PUF60: variants seen among roughly 807,000 people sequenced by gnomAD.
PUF60 encodes poly(U)-binding-splicing factor PUF60.
A neutral mutation model predicts 61.8 loss-of-function variants in PUF60; 10 were observed. That is an observed-to-expected ratio of 0.16 (90% confidence interval 0.10 to 0.27). PUF60 has a LOEUF of 0.27. Among genes scored for constraint, PUF60 ranks in the 10% least tolerant of loss-of-function variants. PUF60 has a pLI of 1.00. For missense variants in PUF60, 371 were observed against 754.0 expected, an observed-to-expected ratio of 0.49 and a Z score of 5.95; for synonymous variants, 353 against 300.9, an observed-to-expected ratio of 1.17 and a Z score of -1.79.
rs1284819938 is a variant in PUF60, at chr8:143,818,158, G to A, written c.603+35C>T. The stretch of plus-strand genomic sequence containing the variant: ...CTTCCGTGGAGGGGCAGCCCTGCAC[G>A]CCTGCGGGATCGAGGCCTTGGCTCC... On this transcript the variant is annotated intron_variant, in intron 7 of 11. Transcript: ENST00000526683. This position sits in a 1 kb window ranked among gnomAD's most constrained non-coding sequence, Gnocchi z 7.9. 34 of 1,601,794 alleles carry A rather than the reference G, an allele frequency of 2.1e-5. No homozygotes were observed. Among genetic ancestry groups the A allele is most frequent in the East Asian group, 4.5e-5 (2 of 44,330 alleles).
At chr8:143,828,822 C>A (rs182628164) in intron 1 of PUF60, among the ~76,000 whole-genome samples, 51 of 152,308 alleles carry the variant, frequency 3.3e-4, no homozygotes, top group Admixed American at 2.6e-3. Context: ...GAGCCAAGGC[C>A]GCCCCATGCT....
At chr8:143,822,059 C>T in intron 2 of PUF60, 146 bp from the exon 3 acceptor site, 1 of 646,342 alleles carries the variant, frequency 1.5e-6, no homozygotes, top group Non-Finnish European at 2.6e-6. Context: ...CAGCCCAGGC[C>T]ACTGTCTCCC....
chr8:143,825,525 C>T (rs1817543059), intron 1 of PUF60, among the ~76,000 whole-genome samples: 1 of 152,126 alleles, frequency 6.6e-6, no homozygotes, highest in East Asian at 1.9e-4. Context: ...GCAGAGGCTG[C>T]CTCTTTTTTT....
intron 5 of PUF60, among the ~76,000 whole-genome samples, chr8:143,819,917 C>G (rs1320426642): frequency 6.6e-6 from 1 of 152,190 alleles, no homozygotes; most frequent in Admixed American, 6.5e-5. Flanking sequence ...CCAGAGAGAA[C>G]AAGGCGTGTG....
chr8:143,825,688 C>T (rs1035353830), intron 1 of PUF60, among the ~76,000 whole-genome samples: 3 of 152,184 alleles, frequency 2.0e-5, no homozygotes, highest in African/African-American at 4.8e-5. Flanking sequence ...CTCCGTGTTG[C>T]CCAAGCTGGT....
intron 2 of PUF60, among the ~76,000 whole-genome samples, chr8:143,823,471 T>C (rs1483389343): frequency 6.6e-6 from 1 of 152,244 alleles, no homozygotes; most frequent in African/African-American, 2.4e-5. Context: ...CCTCTTTGTC[T>C]TGGTAAACAA....
At chr8:143,819,207 C>A (rs1816733773) in intron 5 of PUF60, among the ~76,000 whole-genome samples, 1 of 152,132 alleles carries the variant, frequency 6.6e-6, no homozygotes, top group Non-Finnish European at 1.5e-5. Flanking sequence ...GACCACTGGC[C>A]TGGCCCCCGG....
chr8:143,817,676 G>C lies in PUF60; in HGVS notation c.924C>G (p.Pro308=), dbSNP rs1386084522. ...RVGKAVTPPM[P]LLTPATPGGL... is the part of the protein sequence containing the mutation. ...CTCCAGGCGTGGCTGGTGTGAGTAG[G>C]GGCATGGGCGGTGTGACAGCCTTGC... is the stretch of plus-strand genomic sequence containing the variant. Residue 308 remains proline, a synonymous_variant, in exon 9 of 12, where the codon CCC becomes CCG. Coordinates refer to ENST00000526683, the MANE Select transcript of PUF60 (RefSeq NM_078480.3). This position sits in a 1 kb window ranked among gnomAD's most constrained non-coding sequence, Gnocchi z 7.4. The C allele has an allele frequency of 2.5e-6, 4 of 1,612,656 alleles. No homozygotes were observed. Among genetic ancestry groups the C allele is most frequent in the Non-Finnish European group, 3.4e-6 (4 of 1,179,874 alleles).
At chr8:143,829,167 G>A in intron 1 of PUF60, 113 bp downstream of exon 1, 1 of 1,221,812 alleles carries the variant, frequency 8.2e-7, no homozygotes, top group African/African-American at 1.6e-5. Context: ...GGGAGTCCGC[G>A]CGGGACCTGG....
At position 143,829,118 on chromosome 8, in the gene PUF60, G is replaced by A. The variant is rs1818005975; in HGVS notation, c.24+162C>T. On this transcript the variant is annotated intron_variant, in intron 1 of 11. Transcript: ENST00000526683. ...GGCCGCGAGCCGGCCGCCGGCGCGCGCCCGCCCCGCCCCCGCCTCACGCGA... is the reference window on the plus strand; with the variant it reads ...GGCCGCGAGCCGGCCGCCGGCGCGCACCCGCCCCGCCCCCGCCTCACGCGA... The A allele has an allele frequency of 2.6e-6, 3 of 1,164,742 alleles. No homozygotes were observed. The African/African-American group carries it at 4.9e-5, about 19-fold the overall frequency. 72.2% of individuals were successfully genotyped at this position (1,164,742 alleles called of 1,614,324 possible). A position where few individuals can be genotyped will look rare whatever the true frequency, so the allele number is the denominator to read the frequency against.
chr8:143,816,876 C>G (rs761288843), intron 11 of PUF60, 34 bp downstream of exon 11: 1 of 1,570,882 alleles, frequency 6.4e-7, no homozygotes, highest in Non-Finnish European at 8.6e-7. Flanking sequence ...CCCCCCTACC[C>G]TCTCCCCCGC....
chr8:143,822,624 T>C, intron 2 of PUF60: 1 of 455,656 alleles, frequency 2.2e-6, no homozygotes, highest in South Asian at 1.5e-5. Flanking sequence ...CCTAGCCAGG[T>C]GGGCCTGGGG....
At chr8:143,819,638 C>A (rs1366459184) in intron 5 of PUF60, among the ~76,000 whole-genome samples, 1 of 152,206 alleles carries the variant, frequency 6.6e-6, no homozygotes, top group Non-Finnish European at 1.5e-5. Flanking sequence ...TCAAACCAGG[C>A]ATTCCCTGAA....
At chr8:143,826,070 G>A (rs1437926474) in intron 1 of PUF60, among the ~76,000 whole-genome samples, 3 of 152,254 alleles carry the variant, frequency 2.0e-5, no homozygotes, top group Non-Finnish European at 1.5e-5. Context: ...GAACTTGGAG[G>A]AAACCGGTGT....
chr8:143,824,695 C>T (rs897021879), intron 1 of PUF60: 24 of 440,924 alleles, frequency 5.4e-5, no homozygotes, highest in Non-Finnish European at 4.1e-5. Flanking sequence ...CAAAAGAAAG[C>T]CATCCTCTCC....
Position 143,821,895 on chromosome 8 carries a change from T to A in PUF60, c.130A>T (p.Met44Leu). ...KPPQGTDSIK[M>L]ENGQSTAAKL... ...GCGGCTGTGCTCTGCCCGTTCTCCA[T>A]CTTGATGGAGTCTGTGCCCTGGTAA... Residue 44 changes from methionine to leucine, a missense_variant, in exon 3 of 12, where the codon ATG (methionine) becomes TTG (leucine). Met to Leu is a conservative substitution (Grantham distance 15). This residue lies in a region of PUF60 where 69 missense variants were observed against 64.7 expected (regional missense o/e 1.07). Coordinates refer to ENST00000526683, the MANE Select transcript of PUF60 (RefSeq NM_078480.3). The A allele has an allele frequency of 6.2e-7, 1 of 1,606,044 alleles. No individual in the cohort carries two copies. The highest frequency in any genetic ancestry group is 8.5e-7 in the Non-Finnish European group (1 of 1,177,744).
intron 2 of PUF60, among the ~76,000 whole-genome samples, chr8:143,823,778 G>A (rs910750563): frequency 2.0e-5 from 3 of 152,240 alleles, no homozygotes; most frequent in Non-Finnish European, 4.4e-5. Flanking sequence ...CTGGGCCATC[G>A]AACAGACCAA....
At chr8:143,822,029 C>T in intron 2 of PUF60, 116 bp from the exon 3 acceptor site, 1 of 743,752 alleles carries the variant, frequency 1.3e-6, no homozygotes, top group Non-Finnish European at 2.1e-6. Context: ...TCAGGCCAGC[C>T]CTTCTGACAT....
intron 1 of PUF60, among the ~76,000 whole-genome samples, chr8:143,826,212 AGGGGCTCT>A (rs1486544232): frequency 6.6e-6 from 1 of 152,236 alleles, no homozygotes; most frequent in Non-Finnish European, 1.5e-5. Flanking sequence ...GGCACAGCAG[AGGGGCTCT>A]GGGGTGCCAA....
Sources: gnomAD v4.1 joint callset for allele counts (sites outside exome capture counted in the v4.1 genomes callset) on GRCh38, gnomAD v4.1.1 for gene constraint, gnomAD v4.1.1 regional missense constraint, Gnocchi (gnomAD v3.1) non-coding constraint, MANE v1.5 for transcripts, NCBI Gene and HGNC (gene_info 2026-07-23, HGNC 2026-07-21) for gene names.